The following DCBLD1 variants were observed in gnomAD, a reference collection of about 807,000 sequenced individuals.
DCBLD1 encodes discoidin, CUB and LCCL domain containing 1.
In DCBLD1, 57 loss-of-function variants were observed where a neutral mutation model predicts 71.5. The observed-to-expected ratio is 0.80, with a 90% CI of 0.64 to 0.99. The LOEUF (loss-of-function observed/expected upper bound fraction) is 0.99, where lower values mean the gene tolerates loss of function less well. Among genes scored for constraint, DCBLD1 ranks in the 50% least tolerant of loss-of-function variants. The pLI is 0.00. For missense variants in DCBLD1, 891 were observed against 923.5 expected (o/e 0.96, Z 0.46); for synonymous variants, 380 against 363.8 (o/e 1.04, Z -0.51).
In DCBLD1 at chr6:117,548,125, G is replaced by A; in HGVS notation, c.1834G>A (p.Ala612Thr). 3 of 1,549,782 alleles carry A rather than the reference G, an allele frequency of 1.9e-6. No homozygotes were observed. Among genetic ancestry groups the A allele is most frequent in the Non-Finnish European group, 2.6e-6 (3 of 1,146,604 alleles). The change falls in exon 15 of 15, where the codon GCC becomes ACC. Residue 612 changes from alanine (A) to threonine (T), a missense_variant. Physicochemically the swap from Ala to Thr is moderately conservative, Grantham distance 58. Transcript: ENST00000338728. Reference protein sequence around the residue: ...TPIVERHVLRAHTFSAQSGYR... With the variant: ...TPIVERHVLRTHTFSAQSGYR... ...CATCGTGGAGCGGCACGTGCTGCGCGCCCACACGTTCTCTGCGCAGAGCGG... is the reference window on the plus strand; with the variant it reads ...CATCGTGGAGCGGCACGTGCTGCGCACCCACACGTTCTCTGCGCAGAGCGG...
chr6:117,558,665 T>C (rs1779527980), intron 14 of DCBLD1, among the ~76,000 whole-genome samples: 1 of 152,192 alleles, frequency 6.6e-6, no homozygotes, highest in Non-Finnish European at 1.5e-5. Context: ...CATTTCCCAA[T>C]GGAGTCACAC....
At chr6:117,545,135 C>CA (rs1779223877) in intron 13 of DCBLD1, among the ~76,000 whole-genome samples, 1 of 151,900 alleles carries the variant, frequency 6.6e-6, no homozygotes, top group African/African-American at 2.4e-5. Context: ...TCCACCTCCC[C>CA]AGGGTCTAAA....
chr6:117,492,852 G>T (rs1021212015), intron 1 of DCBLD1, among the ~76,000 whole-genome samples: 2 of 152,106 alleles, frequency 1.3e-5, no homozygotes, highest in African/African-American at 4.8e-5. Flanking sequence ...TGCTTGTTCC[G>T]TGGATATGGT....
At chr6:117,558,719 CAA>C (rs1457758248) in intron 14 of DCBLD1, among the ~76,000 whole-genome samples, 2 of 152,156 alleles carry the variant, frequency 1.3e-5, no homozygotes. Flanking sequence ...AACAATACAT[CAA>C]GTGTTGTCCA....
intron 1 of DCBLD1, among the ~76,000 whole-genome samples, chr6:117,491,966 C>T (rs1777307466): frequency 6.6e-6 from 1 of 152,200 alleles, no homozygotes. Flanking sequence ...GTGCTATGTA[C>T]TTCTAATTGT....
intron 8 of DCBLD1, 111 bp downstream of exon 8, chr6:117,538,946 A>C (rs891409380): frequency 2.8e-5 from 31 of 1,119,890 alleles, no homozygotes; most frequent in Middle Eastern, 3.0e-4. Flanking sequence ...CCTACCTCCA[A>C]GTTCTTGAAA....
intron 7 of DCBLD1, among the ~76,000 whole-genome samples, chr6:117,538,224 G>A (rs1035135919): frequency 3.9e-5 from 6 of 152,160 alleles, no homozygotes; most frequent in Non-Finnish European, 8.8e-5. Context: ...TTTCAAGTAT[G>A]TGGAAAAAAT....
chr6:117,487,658 C>T (rs138281240), intron 1 of DCBLD1, among the ~76,000 whole-genome samples: 138 of 152,120 alleles, frequency 9.1e-4, no homozygotes, highest in African/African-American at 2.8e-3. Context: ...AACCTGGACA[C>T]GGCAAAGTAA....
At chr6:117,516,815 A>G (rs959277944) in intron 2 of DCBLD1, among the ~76,000 whole-genome samples, 4 of 152,148 alleles carry the variant, frequency 2.6e-5, no homozygotes, top group African/African-American at 9.7e-5. Flanking sequence ...TCCTTTTTTT[A>G]AAACCATCAG....
chr6:117,556,813 A>G (rs1779500842), intron 14 of DCBLD1, among the ~76,000 whole-genome samples: 1 of 152,132 alleles, frequency 6.6e-6, no homozygotes, highest in South Asian at 2.1e-4. Flanking sequence ...GTTTTCCGTA[A>G]AGGTTGTACT....
intron 2 of DCBLD1, among the ~76,000 whole-genome samples, chr6:117,507,182 G>A (rs144865360): frequency 2.1e-3 from 316 of 152,324 alleles, no homozygotes; most frequent in African/African-American, 7.3e-3. Context: ...TCATCATTAT[G>A]CAGTTAATTT....
At chr6:117,566,954 C>A in intron 14 of DCBLD1, 1 of 1,611,818 alleles carries the variant, frequency 6.2e-7, no homozygotes, top group Non-Finnish European at 8.5e-7. Flanking sequence ...GATGTCCACT[C>A]TCATCTTCAT....
intron 2 of DCBLD1, among the ~76,000 whole-genome samples, chr6:117,513,379 C>T (rs943351183): frequency 1.3e-5 from 2 of 152,184 alleles, no homozygotes; most frequent in Non-Finnish European, 2.9e-5. Context: ...AAGGAATCAG[C>T]CCATTGTCTG....
intron 4 of DCBLD1, 57 bp downstream of exon 4, chr6:117,521,633 C>A: frequency 7.0e-7 from 1 of 1,434,906 alleles, no homozygotes; most frequent in Non-Finnish European, 9.4e-7. Context: ...ATTTTGTTTT[C>A]TTTCACGTTA....
At chr6:117,508,784 G>A (rs1344650865) in intron 2 of DCBLD1, among the ~76,000 whole-genome samples, 1 of 152,166 alleles carries the variant, frequency 6.6e-6, no homozygotes, top group Admixed American at 6.5e-5. Context: ...GTGGGTCCGG[G>A]ACTGCCTGAA....
rs931186818 is a variant in DCBLD1, at chr6:117,548,087, A to C, written c.1796A>C (p.Glu599Ala). Residue 599 changes from glutamate (E) to alanine (A), a missense_variant, in exon 15 of 15, where the codon GAG (glutamate) becomes GCG (alanine). Coordinates refer to ENST00000338728, the MANE Select transcript of DCBLD1 (RefSeq NM_001366458.2). The stretch of plus-strand genomic sequence containing the variant: ...CTGCCCCTGGCGCCCCCGGAGCCCG[A>C]GTACGCCACGCCCATCGTGGAGCGG... ...YALPLAPPEP[E>A]YATPIVERHV... is the part of the protein sequence containing the mutation. 5.0e-5 allele frequency: 77 copies of C among 1,549,182 alleles called. No individual in the cohort carries two copies. The highest frequency in any genetic ancestry group is 6.5e-5 in the Non-Finnish European group (75 of 1,146,210).
chr6:117,529,845 C>T (rs1778657328), intron 5 of DCBLD1, among the ~76,000 whole-genome samples: 1 of 152,158 alleles, frequency 6.6e-6, no homozygotes, highest in Non-Finnish European at 1.5e-5. Flanking sequence ...TATGGAAAGC[C>T]ATAGCTGCAA....
chr6:117,542,293 T>TAA (rs369280303), intron 11 of DCBLD1, among the ~76,000 whole-genome samples: 20 of 140,002 alleles, frequency 1.4e-4, no homozygotes, highest in African/African-American at 2.4e-4. Context: ...CTCCATCTCT[T>TAA]AAAAAAAAAA....
At position 117,548,878 on chromosome 6, in the gene DCBLD1, A is replaced by G; in HGVS notation, c.*439A>G. On this transcript the variant is annotated 3_prime_UTR_variant, in exon 15 of 15. Coordinates refer to ENST00000338728, the MANE Select transcript of DCBLD1 (RefSeq NM_001366458.2). ...TATAAATAGTATGTTCATTTTTTTC[A>G]GTATATTATCTGATACTGTGTTAGC... 4 of 1,016,708 alleles carry G rather than the reference A, an allele frequency of 3.9e-6. No individual in the cohort carries two copies. Among genetic ancestry groups the G allele is most frequent in the Non-Finnish European group, 4.7e-6 (4 of 848,852 alleles). The allele number at this position is 1,016,708 out of a possible 1,614,324, so 63.0% of individuals were successfully genotyped here.
Sources: gnomAD v4.1 joint callset for allele counts (sites outside exome capture counted in the v4.1 genomes callset) on GRCh38, gnomAD v4.1.1 for gene constraint, MANE v1.5 for transcripts, NCBI Gene and HGNC (gene_info 2026-07-23, HGNC 2026-07-21) for gene names.